DCDC1: variants seen among roughly 807,000 people sequenced by gnomAD.
The protein encoded by DCDC1 is doublecortin domain containing 1.
Under a neutral mutation model 178.3 loss-of-function variants are expected in DCDC1, and 200 were observed. That is an observed-to-expected ratio of 1.12 (90% CI 1.00 to 1.26). The LOEUF (loss-of-function observed/expected upper bound fraction) is 1.26. DCDC1 is among the 50% of genes most tolerant of loss of function. DCDC1 has a pLI of 0.00. For synonymous variants in DCDC1, 690 were observed against 604.8 expected (o/e 1.14, Z -2.07); for missense variants, 1,983 against 1,749.2 (o/e 1.13, Z -2.38).
chr11:30,877,204 A>G (rs1268646612), intron 38 of DCDC1, among the ~76,000 whole-genome samples: 2 of 152,176 alleles, frequency 1.3e-5, no homozygotes, highest in African/African-American at 4.8e-5. Context: ...GCGATTACCA[A>G]GAGCCCCCTT....
chr11:31,298,992 T>C (rs1947904479), intron 6 of DCDC1, among the ~76,000 whole-genome samples: 1 of 152,226 alleles, frequency 6.6e-6, no homozygotes, highest in African/African-American at 2.4e-5. Flanking sequence ...CATCATTTCA[T>C]GAATGCAAGA....
At chr11:31,136,848 G>A (rs208064) in intron 10 of DCDC1, among the ~76,000 whole-genome samples, 90,100 of 151,864 alleles carry the variant, frequency 0.59, 27,167 homozygotes, top group East Asian at 0.93. Context: ...TTTGAAGAGA[G>A]GAAGGTTTGC....
chr11:31,312,050 G>A (rs1171862443), intron 3 of DCDC1, among the ~76,000 whole-genome samples: 2 of 152,036 alleles, frequency 1.3e-5, no homozygotes, highest in Non-Finnish European at 2.9e-5. Context: ...CTCCAACCCT[G>A]TCCTATTAAG....
chr11:30,900,429 A>G lies in DCDC1; in HGVS notation c.4580T>C (p.Ile1527Thr), dbSNP rs1216308402. The change falls in exon 33 of 39, where the codon ATA becomes ACA. Residue 1527 changes from isoleucine (I) to threonine (T), a missense_variant. Transcript: ENST00000684477. ...GATGAGGGTAAGCAAAGACTTGTCT[A>G]TACCATCCAAACTATCGGATGTCAC... ...KSVTSDSLDG[I>T]DKSLLTLILR... 7.0e-6 allele frequency: 11 copies of G among 1,577,332 alleles called. No homozygotes were observed. The highest frequency in any genetic ancestry group is 1.8e-5 in the Admixed American group (1 of 55,498).
chr11:31,234,743 T>A (rs1009873891), intron 9 of DCDC1, among the ~76,000 whole-genome samples: 1 of 152,150 alleles, frequency 6.6e-6, no homozygotes, highest in East Asian at 1.9e-4. Flanking sequence ...CCCAGGATGT[T>A]GACAGAACAG....
chr11:31,315,242 C>CCCCTGTAATA (rs1363139309), intron 3 of DCDC1, among the ~76,000 whole-genome samples: 1 of 151,588 alleles, frequency 6.6e-6, no homozygotes, highest in Non-Finnish European at 1.5e-5. Flanking sequence ...GCTCATTACT[C>CCCCTGTAATA]CCCTGTAATA....
intron 9 of DCDC1, among the ~76,000 whole-genome samples, chr11:31,225,370 G>A (rs868633840): frequency 6.7e-6 from 1 of 148,714 alleles, no homozygotes. Context: ...GGGACATGGG[G>A]GAAAGTTGGG....
chr11:31,307,343 A>G (rs1216749962), intron 4 of DCDC1: 3 of 294,258 alleles, frequency 1.0e-5, no homozygotes, highest in Non-Finnish European at 1.9e-5. Flanking sequence ...AAGCATTTTT[A>G]TTTTTAAATA....
intron 21 of DCDC1, among the ~76,000 whole-genome samples, chr11:30,944,959 C>CTTTTT (rs34334567): frequency 7.6e-5 from 5 of 65,508 alleles, no homozygotes; most frequent in African/African-American, 2.5e-4. Context: ...ACAAAAATGT[C>CTTTTT]TTTTTTTTTT....
At chr11:31,243,984 T>C (rs909294767) in intron 8 of DCDC1, among the ~76,000 whole-genome samples, 1 of 151,708 alleles carries the variant, frequency 6.6e-6, no homozygotes, top group Non-Finnish European at 1.5e-5. Flanking sequence ...TGCAAACTAG[T>C]AACTTTGATG....
rs986386680 is a variant in DCDC1 at position 30,914,159 on chromosome 11, T to C, written c.3653+1352A>G. Among the ~76,000 whole-genome samples the C allele has an allele frequency of 9.9e-5, 15 of 152,238 alleles. No homozygotes were observed. In the East Asian group the frequency reaches 2.9e-3, roughly 29 times the overall value. The stretch of plus-strand genomic sequence containing the variant: ...CATTCACAGAAACAAAAGCCTGCTG[T>C]CCTACCTACACATTGCAAAGGCAGC... On this transcript the variant is annotated intron_variant, in intron 27 of 38. Transcript: ENST00000684477.
At chr11:31,359,179 C>G (rs1375517866) in intron 1 of DCDC1, among the ~76,000 whole-genome samples, 6 of 151,516 alleles carry the variant, frequency 4.0e-5, no homozygotes, top group African/African-American at 7.3e-5. Flanking sequence ...GACTTGGAAC[C>G]AACCCAAATG....
chr11:31,076,850 C>G (rs1298534541), intron 18 of DCDC1, among the ~76,000 whole-genome samples: 1 of 152,036 alleles, frequency 6.6e-6, no homozygotes, highest in Admixed American at 6.6e-5. Context: ...CTTCTGTGTC[C>G]TGGATTCCCC....
chr11:31,226,135 T>C (rs1159881642), intron 9 of DCDC1, among the ~76,000 whole-genome samples: 1 of 152,110 alleles, frequency 6.6e-6, no homozygotes, highest in Non-Finnish European at 1.5e-5. Context: ...TTTGAAACTA[T>C]AATGACTTAA....
At chr11:31,112,507 C>A (rs961496578) in intron 11 of DCDC1, among the ~76,000 whole-genome samples, 1 of 152,130 alleles carries the variant, frequency 6.6e-6, no homozygotes, top group African/African-American at 2.4e-5. Context: ...GGCCTCACCT[C>A]CCTATAGCTC....
chr11:31,046,960 C>T (rs1285186998), intron 20 of DCDC1, among the ~76,000 whole-genome samples: 1 of 152,056 alleles, frequency 6.6e-6, no homozygotes, highest in Non-Finnish European at 1.5e-5. Flanking sequence ...TCCTTTCAAA[C>T]AAAACAAATC....
chr11:31,084,928 TA>T (rs1373299277), intron 17 of DCDC1, among the ~76,000 whole-genome samples: 1 of 147,976 alleles, frequency 6.8e-6, no homozygotes, highest in Non-Finnish European at 1.5e-5. Flanking sequence ...CTCAATGGGC[TA>T]AGACCAGATC....
chr11:31,126,102 C>T (rs1449946297), intron 11 of DCDC1, among the ~76,000 whole-genome samples: 1 of 152,092 alleles, frequency 6.6e-6, no homozygotes, highest in African/African-American at 2.4e-5. Context: ...CCCCAAGTCA[C>T]ACCGTAGTTC....
chr11:31,226,072 A>C (rs1974911079), intron 9 of DCDC1, among the ~76,000 whole-genome samples: 1 of 152,060 alleles, frequency 6.6e-6, no homozygotes, highest in African/African-American at 2.4e-5. Flanking sequence ...GAGGAATGTA[A>C]GAGGAAAGAT....
Sources: allele counts gnomAD v4.1 joint callset (sites outside exome capture counted in the v4.1 genomes callset), GRCh38; gene constraint gnomAD v4.1.1; transcripts MANE v1.5; gene names NCBI Gene and HGNC (gene_info 2026-07-23, HGNC 2026-07-21).